CA10: variants seen among roughly 807,000 people sequenced by gnomAD.
CA10 encodes carbonic anhydrase 10 (inactive).
In CA10, 14 loss-of-function variants were observed where a neutral mutation model predicts 44.2. The observed-to-expected ratio is 0.32, with a 90% CI of 0.21 to 0.50. The LOEUF (loss-of-function observed/expected upper bound fraction) is 0.50, where lower values mean the gene tolerates loss of function less well. Ranked by LOEUF, CA10 falls within the 20% of genes least tolerant of loss-of-function variation. The pLI, the probability that CA10 is intolerant of heterozygous loss-of-function variation, is 0.99. For missense variants in CA10, 350 were observed against 409.7 expected, an observed-to-expected ratio of 0.85 and a Z score of 1.26; for synonymous variants, 159 against 141.6, an observed-to-expected ratio of 1.12 and a Z score of -0.87.
At chr17:51,736,115 T>A (rs8074550) in intron 4 of CA10, among the ~76,000 whole-genome samples, 59,587 of 152,042 alleles carry the variant, frequency 0.39, 12,378 homozygotes, top group Middle Eastern at 0.51. Flanking sequence ...CCCTGTAGAA[T>A]GGACATCACT....
At chr17:52,082,283 G>T (rs116977557) in intron 1 of CA10, among the ~76,000 whole-genome samples, 3 of 152,064 alleles carry the variant, frequency 2.0e-5, no homozygotes, top group African/African-American at 7.2e-5. Flanking sequence ...AATGATAAAA[G>T]GTCCTTAGAA....
intron 3 of CA10, among the ~76,000 whole-genome samples, chr17:51,797,331 C>T (rs1291398497): frequency 6.6e-6 from 1 of 152,224 alleles, no homozygotes; most frequent in Admixed American, 6.5e-5. Flanking sequence ...TAAATCATAG[C>T]ACGCAGGCGC....
At chr17:51,898,212 T>C (rs1981155958) in intron 3 of CA10, among the ~76,000 whole-genome samples, 1 of 152,164 alleles carries the variant, frequency 6.6e-6, no homozygotes, top group South Asian at 2.1e-4. Context: ...TTGTCATAAG[T>C]GGCTCTTATT....
chr17:51,693,669 A>T (rs1915297005), intron 4 of CA10, among the ~76,000 whole-genome samples: 1 of 151,984 alleles, frequency 6.6e-6, no homozygotes, highest in African/African-American at 2.4e-5. Context: ...AAAAATCATG[A>T]TTTCATTCTT....
At chr17:51,797,024 G>T (rs994819870) in intron 3 of CA10, among the ~76,000 whole-genome samples, 3 of 152,242 alleles carry the variant, frequency 2.0e-5, no homozygotes, top group Middle Eastern at 3.4e-3. Context: ...TACACACTTA[G>T]ATTTCTAGCC....
At chr17:51,726,875 A>G (rs1916542804) in intron 4 of CA10, among the ~76,000 whole-genome samples, 1 of 152,220 alleles carries the variant, frequency 6.6e-6, no homozygotes, top group African/African-American at 2.4e-5. Flanking sequence ...AGAAAGGGGA[A>G]ATGAACTTTA....
At chr17:51,725,503 G>A (rs1916485366) in intron 4 of CA10, among the ~76,000 whole-genome samples, 1 of 152,176 alleles carries the variant, frequency 6.6e-6, no homozygotes, top group South Asian at 2.1e-4. Context: ...CCTCTCTGTG[G>A]CAGGGCCAGC....
chr17:52,060,837 T>C (rs1024329135), intron 2 of CA10, among the ~76,000 whole-genome samples: 3 of 152,172 alleles, frequency 2.0e-5, no homozygotes, highest in South Asian at 2.1e-4. Context: ...ATGTGCTTAT[T>C]TATAAACCTG....
chr17:52,058,107 C>T (rs1028136057), intron 2 of CA10, among the ~76,000 whole-genome samples: 2 of 152,108 alleles, frequency 1.3e-5, no homozygotes, highest in South Asian at 2.1e-4. Context: ...TTTATATACA[C>T]TTACATGAGG....
Position 51,931,065 on chromosome 17 carries a change from T to G in CA10, c.204A>C (p.Pro68=). 1 of 1,613,684 alleles carries G rather than the reference T, an allele frequency of 6.2e-7. No individual in the cohort carries two copies. The highest frequency in any genetic ancestry group is 8.5e-7 in the Non-Finnish European group (1 of 1,179,704). The change falls in exon 3 of 9, where the codon CCA becomes CCC. Residue 68 remains proline, a synonymous_variant. Transcript: ENST00000451037. ...TCATGTGACTGGTCTCTATGTTGAC[T>G]GGCGACTGCCGTTTCCCCACAGAGC... ...NLCSVGKRQS[P]VNIETSHMIF...
intron 6 of CA10, among the ~76,000 whole-genome samples, chr17:51,642,698 A>G (rs1480182900): frequency 6.6e-6 from 1 of 151,980 alleles, no homozygotes; most frequent in Non-Finnish European, 1.5e-5. Flanking sequence ...GCTGGAGTGC[A>G]GTGGCATGAT....
At chr17:51,645,277 C>T (rs183116880) in intron 6 of CA10, among the ~76,000 whole-genome samples, 1 of 152,318 alleles carries the variant, frequency 6.6e-6, no homozygotes, top group African/African-American at 2.4e-5. Flanking sequence ...CTTTTGTCAA[C>T]AGATGATGTC....
intron 2 of CA10, among the ~76,000 whole-genome samples, chr17:52,062,791 C>T (rs1987425465): frequency 6.6e-6 from 1 of 152,216 alleles, no homozygotes; most frequent in African/African-American, 2.4e-5. Context: ...AGCCTGGGTG[C>T]CCAGGCAGAA....
At chr17:51,814,942 G>A (rs577047806) in intron 3 of CA10, among the ~76,000 whole-genome samples, 48 of 152,170 alleles carry the variant, frequency 3.2e-4, no homozygotes, top group South Asian at 1.0e-3. Flanking sequence ...TTAAACATCC[G>A]GCCAAAGGTA....
intron 3 of CA10, among the ~76,000 whole-genome samples, chr17:51,917,354 C>T (rs1982045172): frequency 6.6e-6 from 1 of 152,220 alleles, no homozygotes; most frequent in Non-Finnish European, 1.5e-5. Flanking sequence ...TCAGAAGGTA[C>T]TGAAGGCTGC....
At chr17:51,804,772 T>G (rs73336605) in intron 3 of CA10, among the ~76,000 whole-genome samples, 17,330 of 152,254 alleles carry the variant, frequency 0.11, 1,342 homozygotes, top group African/African-American at 0.23. Flanking sequence ...TGTGATGCTA[T>G]TTATATTTTA....
At chr17:51,767,958 C>T (rs1219018092) in intron 3 of CA10, among the ~76,000 whole-genome samples, 3 of 151,962 alleles carry the variant, frequency 2.0e-5, no homozygotes, top group Non-Finnish European at 2.9e-5. Flanking sequence ...GGTTGGGGAG[C>T]GCTGAACTAA....
intron 3 of CA10, among the ~76,000 whole-genome samples, chr17:51,823,431 A>G (rs935000717): frequency 2.0e-5 from 3 of 152,210 alleles, no homozygotes; most frequent in Non-Finnish European, 4.4e-5. Flanking sequence ...AATCATGTTC[A>G]CTTTGGATAC....
intron 2 of CA10, among the ~76,000 whole-genome samples, chr17:52,034,271 T>A (rs1024601234): frequency 6.6e-6 from 1 of 152,144 alleles, no homozygotes; most frequent in Non-Finnish European, 1.5e-5. Flanking sequence ...TGGCATAGAT[T>A]GTGGTGATGG....
Sources: allele counts gnomAD v4.1 joint callset (sites outside exome capture counted in the v4.1 genomes callset), GRCh38; gene constraint gnomAD v4.1.1; transcripts MANE v1.5; gene names NCBI Gene and HGNC (gene_info 2026-07-23, HGNC 2026-07-21).